The following PALS1 variants were observed in gnomAD, a reference collection of about 807,000 sequenced individuals.
The protein encoded by PALS1 is protein PALS1.
In PALS1, 31 loss-of-function variants were observed where a neutral mutation model predicts 78.9. That is an observed-to-expected ratio of 0.39 (90% CI 0.30 to 0.53). The LOEUF (loss-of-function observed/expected upper bound fraction) is 0.53, where lower values mean the gene tolerates loss of function less well. Ranked by LOEUF, PALS1 falls within the 20% of genes least tolerant of loss-of-function variation. The probability of loss-of-function intolerance (pLI) is 0.67; values close to 1 mark genes in which losing one functional copy is unlikely to be tolerated. For missense variants in PALS1, 704 were observed against 826.5 expected (o/e 0.85, Z 1.82); for synonymous variants, 276 against 270.9 (o/e 1.02, Z -0.18).
At chr14:67,274,571 A>G (rs1595576452) in intron 2 of PALS1, among the ~76,000 whole-genome samples, 2 of 152,006 alleles carry the variant, frequency 1.3e-5, no homozygotes, top group East Asian at 3.9e-4. Context: ...CTTCAGCTTT[A>G]TTCTTTTGGC....
In PALS1 at chr14:67,279,337, T is replaced by G; in HGVS notation, c.167T>G (p.Leu56Trp). 1 of 1,613,302 alleles carries G rather than the reference T, an allele frequency of 6.2e-7. No homozygotes were observed. Among genetic ancestry groups the G allele is most frequent in the Non-Finnish European group, 8.5e-7 (1 of 1,179,870 alleles). The change falls in exon 3 of 15, where the codon TTG becomes TGG. Residue 56 changes from leucine (L) to tryptophan (W), a missense_variant. Transcript: ENST00000261681. Reference protein sequence around the residue: ...RMMPIRRSAQLERIRQQQEDM... With the variant: ...RMMPIRRSAQWERIRQQQEDM... Reference sequence around the variant, plus strand: ...ATGCCAATACGTCGAAGTGCACAGTTGGAGCGTATTCGGCAACAACAGGAG... The same window carrying G: ...ATGCCAATACGTCGAAGTGCACAGTGGGAGCGTATTCGGCAACAACAGGAG...
At chr14:67,318,915 A>G (rs1260442762) in intron 11 of PALS1, among the ~76,000 whole-genome samples, 1 of 152,110 alleles carries the variant, frequency 6.6e-6, no homozygotes, top group Non-Finnish European at 1.5e-5. Context: ...AAAATTAGCC[A>G]GGCGTGATGG....
chr14:67,249,811 G>A (rs1410166481), intron 1 of PALS1, among the ~76,000 whole-genome samples: 1 of 152,194 alleles, frequency 6.6e-6, no homozygotes, highest in Non-Finnish European at 1.5e-5. Context: ...GATGTAAGAA[G>A]TAGGCAATCT....
chr14:67,332,919 C>T lies in PALS1; in HGVS notation c.1991C>T (p.Thr664Ile). 1 of 1,613,614 alleles carries T rather than the reference C, an allele frequency of 6.2e-7. No individual in the cohort carries two copies. The highest frequency in any genetic ancestry group is 8.5e-7 in the Non-Finnish European group (1 of 1,179,590). ...ELLRLINKLDTEPQWVPSTWL... is the reference protein window; with the variant it reads ...ELLRLINKLDIEPQWVPSTWL... ...CTTAGGTTAATTAACAAACTTGATA[C>T]TGAACCTCAGTGGGTACCATCCACT... Residue 664 changes from threonine to isoleucine, a missense_variant, in exon 15 of 15, where the codon ACT becomes ATT. Coordinates refer to ENST00000261681, the MANE Select transcript of PALS1 (RefSeq NM_022474.4).
chr14:67,249,643 G>C (rs896225688), intron 1 of PALS1, among the ~76,000 whole-genome samples: 8 of 152,250 alleles, frequency 5.3e-5, no homozygotes, highest in Middle Eastern at 3.4e-3. Flanking sequence ...GTTATCTTTT[G>C]AGTTATGCTT....
chr14:67,265,415 G>C (rs924871373), intron 1 of PALS1, among the ~76,000 whole-genome samples: 1 of 152,088 alleles, frequency 6.6e-6, no homozygotes, highest in Non-Finnish European at 1.5e-5. Context: ...AAAAGTAGCT[G>C]GATGGTGGCG....
At chr14:67,266,507 G>A (rs1395648489) in intron 1 of PALS1, among the ~76,000 whole-genome samples, 1 of 151,986 alleles carries the variant, frequency 6.6e-6, no homozygotes, top group African/African-American at 2.4e-5. Flanking sequence ...TGTATTTTTA[G>A]TAGAGACAGG....
At chr14:67,294,856 T>A (rs2084822267) in intron 4 of PALS1, 1 of 152,108 alleles carries the variant, frequency 6.6e-6, no homozygotes, top group Admixed American at 6.5e-5. Flanking sequence ...GTACTTTTAG[T>A]AGAGATGGGG....
In PALS1 at chr14:67,334,391, GATTTT is replaced by G. The variant is rs1211960170; in HGVS notation, c.*1441_*1445del. ...AAACAACCTCAAATGTGAATGCCTTGATTTTATTTTTATGGTGACTTTAGCTACAG... is the reference window on the plus strand; with the variant it reads ...AAACAACCTCAAATGTGAATGCCTTGATTTTTATGGTGACTTTAGCTACAG... On this transcript the variant is annotated 3_prime_UTR_variant, in exon 15 of 15. Coordinates refer to ENST00000261681, the MANE Select transcript of PALS1 (RefSeq NM_022474.4). 2.0e-5 allele frequency: 3 copies of G among 152,598 alleles called. No individual in the cohort carries two copies. The highest frequency in any genetic ancestry group is 7.2e-5 in the African/African-American group (3 of 41,438). 9.5% of individuals were successfully genotyped at this position (152,598 alleles called of 1,614,324 possible).
intron 9 of PALS1, among the ~76,000 whole-genome samples, chr14:67,314,113 T>C (rs1000022562): frequency 5.3e-5 from 8 of 152,154 alleles, no homozygotes; most frequent in Non-Finnish European, 1.0e-4. Flanking sequence ...CACCAGAAGA[T>C]TTTAAGCATA....
intron 1 of PALS1, among the ~76,000 whole-genome samples, chr14:67,253,224 A>G (rs1007959635): frequency 2.6e-5 from 4 of 152,232 alleles, no homozygotes; most frequent in African/African-American, 9.6e-5. Context: ...TTGAGATGGT[A>G]CATCAAGAAT....
chr14:67,258,504 T>A (rs1424838845), intron 1 of PALS1, among the ~76,000 whole-genome samples: 1 of 152,202 alleles, frequency 6.6e-6, no homozygotes, highest in Non-Finnish European at 1.5e-5. Flanking sequence ...TACTGCAGCC[T>A]TGACCTCCCC....
chr14:67,336,055 C>T lies in PALS1; in HGVS notation c.*3099C>T, dbSNP rs1482652182. 3 of 152,274 alleles carry T rather than the reference C, an allele frequency of 2.0e-5. No homozygotes were observed. Among genetic ancestry groups the T allele is most frequent in the Non-Finnish European group, 2.9e-5 (2 of 68,102 alleles). 9.4% of individuals were successfully genotyped at this position (152,274 alleles called of 1,614,324 possible). A position where few individuals can be genotyped will look rare whatever the true frequency, so the allele number is the denominator to read the frequency against. On this transcript the variant is annotated 3_prime_UTR_variant, in exon 15 of 15. Coordinates refer to ENST00000261681, the MANE Select transcript of PALS1 (RefSeq NM_022474.4). ...AACTAAGTGTATTAAAGATGGACAA[C>T]GCAAGGCTGTGAACTTGAAAGTTTT... is the stretch of plus-strand genomic sequence containing the variant.
chr14:67,248,674 C>A (rs1302260625), intron 1 of PALS1, among the ~76,000 whole-genome samples: 1 of 152,104 alleles, frequency 6.6e-6, no homozygotes, highest in Non-Finnish European at 1.5e-5. Flanking sequence ...CTTCGTGGGC[C>A]ATATTGTCTC....
intron 14 of PALS1, among the ~76,000 whole-genome samples, chr14:67,328,395 T>A (rs911948972): frequency 1.3e-5 from 2 of 152,254 alleles, no homozygotes; most frequent in African/African-American, 4.8e-5. Context: ...CTTTGTCAGA[T>A]GGGTAGATGG....
In PALS1 at chr14:67,292,700, C is replaced by A; in HGVS notation, c.557C>A (p.Ala186Glu). Residue 186 changes from alanine to glutamate, a missense_variant, in exon 4 of 15, where the codon GCA becomes GAA. Transcript: ENST00000261681. ...CCTCCATTTCCTCTTATCTCCAACG[C>A]ACAAGATCTTGCTCAAGAGGTATGT... ...ASPPFPLISN[A>E]QDLAQEVQTV... The A allele has an allele frequency of 6.2e-7, 1 of 1,613,440 alleles. No homozygotes were observed. Among genetic ancestry groups the A allele is most frequent in the Non-Finnish European group, 8.5e-7 (1 of 1,179,578 alleles).
chr14:67,291,417 T>C (rs2084771889), intron 3 of PALS1, among the ~76,000 whole-genome samples: 1 of 151,962 alleles, frequency 6.6e-6, no homozygotes, highest in African/African-American at 2.4e-5. Context: ...CCGAAGTAGC[T>C]AGGATTACAG....
rs146576961 is a variant in PALS1, at chr14:67,302,071, G to A, written c.754G>A (p.Glu252Lys). 1.2e-6 allele frequency: 2 copies of A among 1,608,462 alleles called. No homozygotes were observed. Among genetic ancestry groups the A allele is most frequent in the African/African-American group, 2.7e-5 (2 of 74,448 alleles). Residue 252 changes from glutamate (E) to lysine (K), a missense_variant, in exon 6 of 15, where the codon GAA (glutamate) becomes AAA (lysine). By Grantham distance (56) the Glu-to-Lys change is moderately conservative. Coordinates refer to ENST00000261681, the MANE Select transcript of PALS1 (RefSeq NM_022474.4). ...VYESIGQYGG[E>K]TVKIVRIEKA... is the part of the protein sequence containing the mutation. ...TGAAAGTATTGGCCAGTATGGAGGA[G>A]AAACTGTAAAAATAGTTCGTATAGA...
chr14:67,268,366 G>A (rs1204999144), intron 1 of PALS1, among the ~76,000 whole-genome samples: 1 of 152,212 alleles, frequency 6.6e-6, no homozygotes, highest in Admixed American at 6.5e-5. Context: ...AGATCCCAGA[G>A]AGGGTTCTTG....
Sources: allele counts gnomAD v4.1 joint callset (sites outside exome capture counted in the v4.1 genomes callset), GRCh38; gene constraint gnomAD v4.1.1; transcripts MANE v1.5; gene names NCBI Gene and HGNC (gene_info 2026-07-23, HGNC 2026-07-21).